Variants in TENM3 observed in about 807,000 individuals in gnomAD.
TENM3 encodes the protein teneurin transmembrane protein 3, also known as teneurin-3.
Under a neutral mutation model 255.1 loss-of-function variants are expected in TENM3, and 63 were observed. The ratio of observed to expected loss-of-function variants is 0.25; its 90% CI spans 0.20 to 0.30. The LOEUF is 0.30. Among genes scored for constraint, TENM3 ranks in the 10% least tolerant of loss-of-function variants. The pLI is 1.00. For missense variants in TENM3, 2,929 were observed against 3,461.1 expected (o/e 0.85, Z 3.86); for synonymous variants, 1,306 against 1,322.3 (o/e 0.99, Z 0.27).
chr4:182,270,749 C>G (rs2150214624), intron 1 of TENM3, among the ~76,000 whole-genome samples: 1 of 152,286 alleles, frequency 6.6e-6, no homozygotes, highest in East Asian at 1.9e-4. Flanking sequence ...TGTGTATAAC[C>G]TGATAGGTTA....
chr4:181,633,851 G>A, the TENM3 span, among the ~76,000 whole-genome samples: 3 of 152,236 alleles, frequency 2.0e-5, no homozygotes, highest in East Asian at 3.9e-4. Context: ...AAATAGATTC[G>A]TGTCAACCCC....
intron 3 of TENM3, among the ~76,000 whole-genome samples, chr4:182,566,158 G>C (rs1027566933): frequency 1.3e-5 from 2 of 152,154 alleles, no homozygotes; most frequent in African/African-American, 2.4e-5. Flanking sequence ...CTTTCCCTTG[G>C]CCTTCATACA....
chr4:182,110,625 CA>C, the TENM3 span, among the ~76,000 whole-genome samples: 1 of 152,150 alleles, frequency 6.6e-6, no homozygotes, highest in African/African-American at 2.4e-5. Flanking sequence ...TGCGCTGGAC[CA>C]GTAGCTCTTT....
the TENM3 span, among the ~76,000 whole-genome samples, chr4:181,958,086 A>G: frequency 6.6e-6 from 1 of 152,196 alleles, no homozygotes; most frequent in Non-Finnish European, 1.5e-5. Context: ...AATCCTTTGC[A>G]CATTTCAAGC....
the TENM3 span, among the ~76,000 whole-genome samples, chr4:181,892,648 C>T: frequency 6.6e-5 from 10 of 152,238 alleles, no homozygotes; most frequent in South Asian, 1.2e-3. Flanking sequence ...TCACATGCTC[C>T]GATTCACTCC....
At chr4:182,588,490 A>G (rs1746271615) in intron 3 of TENM3, among the ~76,000 whole-genome samples, 1 of 152,218 alleles carries the variant, frequency 6.6e-6, no homozygotes, top group African/African-American at 2.4e-5. Flanking sequence ...CTCCATTTAA[A>G]GTCAATAAAA....
chr4:182,796,836 A>C, intron 27 of TENM3, 69 bp downstream of exon 27: 1 of 1,255,322 alleles, frequency 8.0e-7, no homozygotes, highest in Non-Finnish European at 1.1e-6. Flanking sequence ...ATCTAATCAA[A>C]CTACCCTTGT....
chr4:181,649,666 C>T, the TENM3 span, among the ~76,000 whole-genome samples: 8 of 152,246 alleles, frequency 5.3e-5, no homozygotes, highest in Admixed American at 1.3e-4. Context: ...TAAGAGAATC[C>T]GTGATTTGTT....
the TENM3 span, among the ~76,000 whole-genome samples, chr4:182,130,464 A>C: frequency 6.6e-6 from 1 of 152,206 alleles, no homozygotes; most frequent in Non-Finnish European, 1.5e-5. Flanking sequence ...AAAACATTGT[A>C]CTATGTGTTT....
At chr4:182,720,766 C>CTTTTT (rs11369655) in intron 13 of TENM3, among the ~76,000 whole-genome samples, 1 of 129,814 alleles carries the variant, frequency 7.7e-6, no homozygotes, top group African/African-American at 2.8e-5. Context: ...AGTCTCCCCT[C>CTTTTT]TTTTTTTTTT....
chr4:181,676,818 T>C, the TENM3 span, among the ~76,000 whole-genome samples: 2 of 152,122 alleles, frequency 1.3e-5, no homozygotes, highest in African/African-American at 4.8e-5. Flanking sequence ...TGATTCACTT[T>C]GATAACTCTC....
At chr4:182,109,410 T>G in the TENM3 span, among the ~76,000 whole-genome samples, 2 of 151,590 alleles carry the variant, frequency 1.3e-5, no homozygotes, top group Non-Finnish European at 2.9e-5. Context: ...TCTGGAGATG[T>G]GGAAAATGTA....
chr4:182,695,348 A>C (rs931295610), intron 12 of TENM3, among the ~76,000 whole-genome samples: 4 of 152,210 alleles, frequency 2.6e-5, no homozygotes, highest in African/African-American at 9.6e-5. Flanking sequence ...CCATGGGTTC[A>C]GGTGTCGTAT....
chr4:181,526,393 C>A, the TENM3 span, among the ~76,000 whole-genome samples: 1 of 152,126 alleles, frequency 6.6e-6, no homozygotes, highest in Non-Finnish European at 1.5e-5. Flanking sequence ...AGCAGTGTGG[C>A]CTTTTTCCTT....
At chr4:182,072,541 A>G in the TENM3 span, among the ~76,000 whole-genome samples, 1 of 152,376 alleles carries the variant, frequency 6.6e-6, no homozygotes, top group South Asian at 2.1e-4. Flanking sequence ...AATTATTGAT[A>G]ATAAAGTATT....
the TENM3 span, among the ~76,000 whole-genome samples, chr4:181,955,789 A>G: frequency 3.3e-5 from 5 of 152,196 alleles, no homozygotes; most frequent in Non-Finnish European, 7.3e-5. Context: ...GGTCACTGCT[A>G]GATAATTAAC....
chr4:181,537,300 A>G, the TENM3 span, among the ~76,000 whole-genome samples: 3 of 152,158 alleles, frequency 2.0e-5, no homozygotes, highest in Non-Finnish European at 4.4e-5. Context: ...GAATATGGCC[A>G]AGTATTTTCT....
At chr4:182,478,516 A>G (rs903206082) in intron 3 of TENM3, among the ~76,000 whole-genome samples, 8 of 151,762 alleles carry the variant, frequency 5.3e-5, no homozygotes, top group East Asian at 3.9e-4. Context: ...TTGCTGTACT[A>G]TTTTTCAAGA....
the TENM3 span, among the ~76,000 whole-genome samples, chr4:181,669,421 A>G: frequency 6.6e-6 from 1 of 152,132 alleles, no homozygotes; most frequent in African/African-American, 2.4e-5. Flanking sequence ...ACTCCTAATT[A>G]TTCCTCTAAA....
Sources: gnomAD v4.1 joint callset for allele counts (sites outside exome capture counted in the v4.1 genomes callset) on GRCh38, gnomAD v4.1.1 for gene constraint, MANE v1.5 for transcripts, NCBI Gene and HGNC (gene_info 2026-07-23, HGNC 2026-07-21) for gene names.